The following SF3B2 variants were observed in gnomAD, a reference collection of about 807,000 sequenced individuals.
SF3B2 encodes splicing factor 3b subunit 2.
In SF3B2, 22 loss-of-function variants were observed where a neutral mutation model predicts 116.3. That is an observed-to-expected ratio of 0.19 (90% CI 0.14 to 0.27). The LOEUF is 0.27. SF3B2 is among the 10% of genes least tolerant of loss of function. The pLI, the probability that SF3B2 is intolerant of heterozygous loss-of-function variation, is 1.00. For missense variants in SF3B2, 767 were observed against 1,151.4 expected (o/e 0.67, Z 4.83); for synonymous variants, 406 against 421.6 (o/e 0.96, Z 0.45).
intron 17 of SF3B2, 68 bp downstream of exon 17, chr11:66,063,184 CTTCA>C: frequency 8.0e-7 from 1 of 1,256,026 alleles, no homozygotes; most frequent in South Asian, 1.3e-5. Flanking sequence ...TGGTTTATAG[CTTCA>C]TTATCAGGGA....
chr11:66,058,650 T>C, intron 9 of SF3B2, 180 bp from the exon 10 acceptor site: 1 of 645,646 alleles, frequency 1.5e-6, no homozygotes, highest in Non-Finnish European at 2.7e-6. Flanking sequence ...ATACAGCTTG[T>C]GAGTGGCAGA....
intron 19 of SF3B2, among the ~76,000 whole-genome samples, chr11:66,064,142 T>C (rs1309099250): frequency 6.6e-6 from 1 of 152,246 alleles, no homozygotes; most frequent in African/African-American, 2.4e-5. Flanking sequence ...TTTTAGGTAG[T>C]TGAATGTGTA....
intron 5 of SF3B2, among the ~76,000 whole-genome samples, 164 bp from the exon 6 acceptor site, chr11:66,056,674 T>C (rs1269571382): frequency 6.6e-6 from 1 of 152,122 alleles, no homozygotes; most frequent in Non-Finnish European, 1.5e-5. Flanking sequence ...GCTCCTCCGT[T>C]TGGATTAGTA....
chr11:66,059,779 C>T lies in SF3B2; in HGVS notation c.1402-3C>T. The T allele has an allele frequency of 1.2e-6, 2 of 1,614,136 alleles. No individual in the cohort carries two copies. Among genetic ancestry groups the T allele is most frequent in the Non-Finnish European group, 1.7e-6 (2 of 1,179,998 alleles). ...AGAACACGCATTACTATGTGTTTTC[C>T]AGCTGGTGGCTCGGCCCGATGTCGT... On this transcript the variant is annotated splice_region_variant and splice_polypyrimidine_tract_variant and intron_variant, in intron 12 of 21. Transcript: ENST00000322535. The surrounding 1 kb of genome is among the most constrained non-coding windows in gnomAD (Gnocchi z 5.0).
At chr11:66,061,538 T>G in intron 14 of SF3B2, 148 bp from the exon 15 acceptor site, 1 of 671,930 alleles carries the variant, frequency 1.5e-6, no homozygotes. Context: ...TTTTATTCCT[T>G]CCCCGACTTT....
Position 66,057,999 on chromosome 11 carries a change from A to G in SF3B2, c.778-55A>G, listed in dbSNP as rs11227393. ...AAAAAAAAAAAAAGAAAGAAAGAAA[A>G]AAAAAAGAAAAAGGGCACTGTGATT... On this transcript the variant is annotated intron_variant, in intron 7 of 21. Transcript: ENST00000322535. 18,990 of 1,325,104 alleles carry G rather than the reference A, an allele frequency of 0.014. 1,623 individuals carry two copies. In the East Asian group the frequency reaches 0.25, roughly 18 times the overall value. 82.1% of individuals were successfully genotyped at this position (1,325,104 alleles called of 1,614,324 possible).
At chr11:66,060,559 T>A (rs1199434242) in intron 13 of SF3B2, 23 bp from the exon 14 acceptor site, 4 of 1,613,786 alleles carry the variant, frequency 2.5e-6, no homozygotes, top group Non-Finnish European at 3.4e-6. Context: ...TTGTTAAGGC[T>A]TGTTTGCTGC....
chr11:66,068,076 G>T, intron 20 of SF3B2, 31 bp downstream of exon 20: 1 of 1,612,616 alleles, frequency 6.2e-7, no homozygotes, highest in South Asian at 1.1e-5. Context: ...GCTTTTGGAG[G>T]CTGAGAAAGG....
rs780924317 is a variant in SF3B2 at position 66,057,007 on chromosome 11, T to A, written c.667+52T>A. 7 of 1,335,714 alleles carry A rather than the reference T, an allele frequency of 5.2e-6. No homozygotes were observed. In the East Asian group the frequency reaches 1.1e-4, roughly 22 times the overall value. 82.7% of individuals were successfully genotyped at this position (1,335,714 alleles called of 1,614,324 possible). On this transcript the variant is annotated intron_variant, in intron 6 of 21. Transcript: ENST00000322535. Reference sequence around the variant, plus strand: ...GCAAGGAAGGTGATTTAGACATTTTTAAAAAGACTTTTAAGGTATCTATCA... The same window carrying A: ...GCAAGGAAGGTGATTTAGACATTTTAAAAAAGACTTTTAAGGTATCTATCA...
rs1220476066 is a variant in SF3B2 at position 66,058,143 on chromosome 11, T to C, written c.867T>C (p.Ser289=). The change falls in exon 8 of 22, where the codon TCT becomes TCC. Residue 289 remains serine, a synonymous_variant. Coordinates refer to ENST00000322535, the MANE Select transcript of SF3B2 (RefSeq NM_006842.3). ...AGAGCCGCCAGGAAGAGATGAATTC[T>C]CAGCAGGGTGAGTGCCAGGCGTTCT... ...LKESRQEEMN[S]QQEEEEMETD... 5.0e-6 allele frequency: 8 copies of C among 1,608,668 alleles called. No individual in the cohort carries two copies. The highest frequency in any genetic ancestry group is 6.8e-6 in the Non-Finnish European group (8 of 1,177,696).
At chr11:66,056,214 C>T (rs924534647) in intron 5 of SF3B2, among the ~76,000 whole-genome samples, 1 of 151,912 alleles carries the variant, frequency 6.6e-6, no homozygotes, top group African/African-American at 2.4e-5. Flanking sequence ...CCAGCCTGGC[C>T]AACATAATGA....
At chr11:66,067,471 T>C (rs1229207244) in intron 19 of SF3B2, 1 of 456,354 alleles carries the variant, frequency 2.2e-6, no homozygotes, top group Non-Finnish European at 4.4e-6. Context: ...GTAGATTTGC[T>C]CTTGTTCCTA....
chr11:66,062,166 A>C (rs11227395), intron 16 of SF3B2, among the ~76,000 whole-genome samples, 168 bp downstream of exon 16: 32,723 of 152,234 alleles, frequency 0.21, 3,654 homozygotes, highest in Middle Eastern at 0.34. Flanking sequence ...AAAAACAAAT[A>C]ATGGTTTTTG....
intron 16 of SF3B2, among the ~76,000 whole-genome samples, 156 bp from the exon 17 acceptor site, chr11:66,062,853 G>A (rs1857121231): frequency 6.6e-6 from 1 of 152,162 alleles, no homozygotes; most frequent in African/African-American, 2.4e-5. Context: ...ATTAATTTTG[G>A]TTTCTAATGC....
chr11:66,058,805 C>T lies in SF3B2; in HGVS notation c.967-25C>T, dbSNP rs76484024. 7,246 of 1,596,834 alleles carry T rather than the reference C, an allele frequency of 4.5e-3. 318 individuals are homozygous for T. The African/African-American group carries it at 0.087, about 19-fold the overall frequency. ...GGCACAGTGCTTGGATTCCCTGACC[C>T]AGCTGGTTTTCCTCCTCTTGACAGA... On this transcript the variant is annotated intron_variant, in intron 9 of 21. Transcript: ENST00000322535.
Position 66,059,537 on chromosome 11 carries a change from A to G in SF3B2, c.1343A>G (p.Lys448Arg), listed in dbSNP as rs763469575. The G allele has an allele frequency of 2.4e-5, 39 of 1,613,912 alleles. No individual in the cohort carries two copies. The highest frequency in any genetic ancestry group is 1.6e-4 in the Middle Eastern group (1 of 6,082). Reference protein sequence around the residue: ...DEQEKKPEAPKLSKKKLRRMN... With the variant: ...DEQEKKPEAPRLSKKKLRRMN... ...TAGGAAAAGAAGCCAGAAGCCCCCAAGCTGTCCAAGAAGAAGTTGCGCCGA... is the reference window on the plus strand; with the variant it reads ...TAGGAAAAGAAGCCAGAAGCCCCCAGGCTGTCCAAGAAGAAGTTGCGCCGA... Residue 448 changes from lysine to arginine, a missense_variant, in exon 12 of 22, where the codon AAG becomes AGG. Lys to Arg is a conservative substitution (Grantham distance 26). This residue lies in a region of SF3B2 where 282 missense variants were observed against 568.0 expected (regional missense o/e 0.50). Transcript: ENST00000322535. The surrounding 1 kb of genome is among the most constrained non-coding windows in gnomAD (Gnocchi z 5.0).
In SF3B2 at chr11:66,069,180, G is replaced by A; in HGVS notation, c.*435G>A. The A allele has an allele frequency of 2.8e-6, 1 of 353,964 alleles. No homozygotes were observed. Among genetic ancestry groups the A allele is most frequent in the Non-Finnish European group, 5.7e-6 (1 of 176,736 alleles). 21.9% of individuals were successfully genotyped at this position (353,964 alleles called of 1,614,324 possible). A position where few individuals can be genotyped will look rare whatever the true frequency, so the allele number is the denominator to read the frequency against. The stretch of plus-strand genomic sequence containing the variant: ...AAAATAGCCAGATTAGCGCCCTAGC[G>A]CGGCAGAGGAAGTAACAGTGGGCTT... On this transcript the variant is annotated 3_prime_UTR_variant, in exon 22 of 22. Transcript: ENST00000322535.
chr11:66,057,761 A>C (rs971337296), intron 7 of SF3B2, among the ~76,000 whole-genome samples: 1 of 151,678 alleles, frequency 6.6e-6, no homozygotes, highest in Non-Finnish European at 1.5e-5. Context: ...GGATCACCTG[A>C]GGTCAGGAGT....
At chr11:66,060,528 C>T (rs1392734010) in intron 13 of SF3B2, 54 bp from the exon 14 acceptor site, 5 of 1,602,806 alleles carry the variant, frequency 3.1e-6, no homozygotes, top group Non-Finnish European at 4.3e-6. Flanking sequence ...GCTGGATTCT[C>T]TACATGAATT....
Sources: allele counts gnomAD v4.1 joint callset (sites outside exome capture counted in the v4.1 genomes callset), GRCh38; gene constraint gnomAD v4.1.1; regional missense constraint gnomAD v4.1.1; non-coding constraint Gnocchi (gnomAD v3.1); transcripts MANE v1.5; gene names NCBI Gene and HGNC (gene_info 2026-07-23, HGNC 2026-07-21).